PLD5: variants seen among roughly 807,000 people sequenced by gnomAD.
PLD5 encodes inactive phospholipase D5.
PLD5 carries 36 observed loss-of-function variants against 61.1 expected under a neutral mutation model. The observed-to-expected ratio is 0.59, with a 90% CI of 0.45 to 0.78. The LOEUF (loss-of-function observed/expected upper bound fraction) is 0.78, where lower values mean the gene tolerates loss of function less well. Among genes scored for constraint, PLD5 ranks in the 30% least tolerant of loss-of-function variants. The probability of loss-of-function intolerance (pLI) is 0.00; values close to 1 mark genes in which losing one functional copy is unlikely to be tolerated. For missense variants in PLD5, 515 were observed against 644.4 expected, an observed-to-expected ratio of 0.80 and a Z score of 2.17; for synonymous variants, 243 against 242.8, an observed-to-expected ratio of 1.00 and a Z score of -0.01.
intron 5 of PLD5, among the ~76,000 whole-genome samples, chr1:242,203,389 C>T (rs1335746068): frequency 1.3e-5 from 2 of 152,160 alleles, no homozygotes; most frequent in African/African-American, 2.4e-5. Context: ...CAGCTGACTG[C>T]CTTGCTAGAG....
At chr1:242,098,907 C>A (rs183064649) in intron 9 of PLD5, among the ~76,000 whole-genome samples, 31 of 152,240 alleles carry the variant, frequency 2.0e-4, no homozygotes, top group African/African-American at 7.5e-4. Context: ...GCTGCCTGAT[C>A]GTTCCTCTGG....
intron 5 of PLD5, among the ~76,000 whole-genome samples, chr1:242,205,849 T>C (rs1271002724): frequency 1.3e-5 from 2 of 152,200 alleles, no homozygotes; most frequent in African/African-American, 4.8e-5. Context: ...TCTTTGAAAC[T>C]TCCTCAGTCC....
chr1:242,153,497 C>T (rs1266418289), intron 5 of PLD5, among the ~76,000 whole-genome samples: 1 of 152,006 alleles, frequency 6.6e-6, no homozygotes, highest in Non-Finnish European at 1.5e-5. Flanking sequence ...TTATGTTTAA[C>T]TCTTTAATCC....
chr1:242,168,846 G>GTTTTTTGTTT (rs755405843), intron 5 of PLD5, among the ~76,000 whole-genome samples: 11 of 111,280 alleles, frequency 9.9e-5, no homozygotes, highest in African/African-American at 4.1e-4. Context: ...AATTAATGAA[G>GTTTTTTGTTT]TTTTTTTTTT....
At chr1:242,336,818 A>T (rs147186053) in intron 2 of PLD5, among the ~76,000 whole-genome samples, 3,707 of 152,282 alleles carry the variant, frequency 0.024, 138 homozygotes, top group African/African-American at 0.079. Context: ...GTAATAAAAC[A>T]AGCAAAGTTA....
chr1:242,338,506 A>T (rs546151967), intron 2 of PLD5, among the ~76,000 whole-genome samples: 393 of 152,140 alleles, frequency 2.6e-3, no homozygotes, highest in Non-Finnish European at 4.1e-3. Flanking sequence ...TGGAGAACAA[A>T]CCTGGTGGCA....
At position 242,516,250 on chromosome 1, in the gene PLD5, TTATATATATATATA is replaced by T. The variant is rs57043354; in HGVS notation, c.189+7824_189+7837del. Among the ~76,000 whole-genome samples, 9 of 138,616 alleles carry T rather than the reference TTATATATATATATA, an allele frequency of 6.5e-5. No individual in the cohort carries two copies. In the South Asian group the frequency reaches 1.2e-3, roughly 18 times the overall value. The allele number at this position is 138,616 out of a possible 152,430, so 90.9% of individuals were successfully genotyped here. A position where few individuals can be genotyped will look rare whatever the true frequency, so the allele number is the denominator to read the frequency against. ...AAAAATATATTCTTCTAAAGTTAAATTATATATATATATATATATATATATATATACATATTCTT... is the reference window on the plus strand; with the variant it reads ...AAAAATATATTCTTCTAAAGTTAAATTATATATATATATATACATATTCTT... On this transcript the variant is annotated intron_variant, in intron 1 of 9. Transcript: ENST00000536534.
intron 2 of PLD5, among the ~76,000 whole-genome samples, chr1:242,347,832 T>C (rs1312842575): frequency 6.6e-6 from 1 of 152,174 alleles, no homozygotes; most frequent in Non-Finnish European, 1.5e-5. Context: ...ACAAACCTCA[T>C]ATACAGTGGT....
At chr1:242,514,121 C>T (rs1263747370) in intron 1 of PLD5, among the ~76,000 whole-genome samples, 1 of 152,214 alleles carries the variant, frequency 6.6e-6, no homozygotes, top group Admixed American at 6.5e-5. Flanking sequence ...TCAAATATCT[C>T]CCCTTTGCTT....
At chr1:242,300,631 G>A (rs1675981455) in intron 2 of PLD5, among the ~76,000 whole-genome samples, 2 of 152,104 alleles carry the variant, frequency 1.3e-5, no homozygotes, top group Admixed American at 6.5e-5. Context: ...TGGACACGGT[G>A]TGAGGTTGTG....
chr1:242,226,398 T>G (rs1670947027), intron 4 of PLD5, among the ~76,000 whole-genome samples: 1 of 152,220 alleles, frequency 6.6e-6, no homozygotes, highest in Non-Finnish European at 1.5e-5. Context: ...GCAGTCTACT[T>G]GTTTAACTGA....
At chr1:242,369,935 G>T (rs1661541013) in intron 1 of PLD5, among the ~76,000 whole-genome samples, 1 of 152,162 alleles carries the variant, frequency 6.6e-6, no homozygotes, top group Non-Finnish European at 1.5e-5. Context: ...GAGAATGACA[G>T]AACTGCCGAA....
chr1:242,197,516 ACCTTTCTCC>A (rs1249408874), intron 5 of PLD5, among the ~76,000 whole-genome samples: 1 of 151,746 alleles, frequency 6.6e-6, no homozygotes, highest in Admixed American at 6.6e-5. Context: ...GCAAAGGAAA[ACCTTTCTCC>A]CCTTTCTCCA....
At chr1:242,250,252 G>A (rs316898) in intron 4 of PLD5, among the ~76,000 whole-genome samples, 21,331 of 152,216 alleles carry the variant, frequency 0.14, 1,835 homozygotes, top group Non-Finnish European at 0.2. Flanking sequence ...CCCAAAGCTT[G>A]CACTGTTTAT....
chr1:242,101,893 T>C (rs72761218), intron 8 of PLD5, among the ~76,000 whole-genome samples: 23,024 of 152,170 alleles, frequency 0.15, 1,979 homozygotes, highest in Non-Finnish European at 0.19. Flanking sequence ...GAGATCAAAA[T>C]CTACTACTTA....
chr1:242,413,535 G>A (rs1664668714), intron 1 of PLD5, among the ~76,000 whole-genome samples: 1 of 152,110 alleles, frequency 6.6e-6, no homozygotes, highest in Non-Finnish European at 1.5e-5. Context: ...TTTTCATTGA[G>A]ACCAATCTTG....
chr1:242,420,183 C>A (rs1272860368), intron 1 of PLD5, among the ~76,000 whole-genome samples: 2 of 152,106 alleles, frequency 1.3e-5, no homozygotes, highest in East Asian at 1.9e-4. Context: ...ACTCAGAAAG[C>A]TTTTATGAGG....
At chr1:242,260,666 G>T (rs556884140) in intron 4 of PLD5, among the ~76,000 whole-genome samples, 241 of 152,254 alleles carry the variant, frequency 1.6e-3, no homozygotes, top group African/African-American at 5.6e-3. Context: ...TTTTTGTAAA[G>T]TAACTTTCTA....
intron 1 of PLD5, among the ~76,000 whole-genome samples, chr1:242,394,707 TATATGTGTATATATGTGAAC>T (rs1553366627): frequency 3.3e-5 from 2 of 60,788 alleles, no homozygotes; most frequent in East Asian, 3.8e-4. Context: ...TATGTGAACA[TATATGTGTATATATGTGAAC>T]ATATATGTGT....
Sources: gnomAD v4.1 joint callset for allele counts (sites outside exome capture counted in the v4.1 genomes callset) on GRCh38, gnomAD v4.1.1 for gene constraint, MANE v1.5 for transcripts, NCBI Gene and HGNC (gene_info 2026-07-23, HGNC 2026-07-21) for gene names.